ZNF398: variants seen among roughly 807,000 people sequenced by gnomAD.
ZNF398 encodes zinc finger protein 398, also known as zinc finger DNA binding protein ZER6.
ZNF398 carries 18 observed loss-of-function variants against 41.9 expected under a neutral mutation model. That is an observed-to-expected ratio of 0.43 (90% CI 0.30 to 0.64). The LOEUF (loss-of-function observed/expected upper bound fraction) is 0.64, where lower values mean the gene tolerates loss of function less well. ZNF398 is among the 30% of genes least tolerant of loss of function. The pLI is 0.14. For missense variants in ZNF398, 669 were observed against 822.8 expected, an observed-to-expected ratio of 0.81 and a Z score of 2.29; for synonymous variants, 260 against 308.8, an observed-to-expected ratio of 0.84 and a Z score of 1.66.
chr7:149,126,437 C>T (rs2129518858), exon 1 of ZNF398: 3 of 756,738 alleles, frequency 4.0e-6, no homozygotes, highest in Admixed American at 7.1e-5. Flanking sequence ...AGGAGGGGCC[C>T]GGGCACCCTC....
chr7:149,175,986 T>C (rs535559071), intron 4 of ZNF398, among the ~76,000 whole-genome samples: 1 of 152,236 alleles, frequency 6.6e-6, no homozygotes, highest in East Asian at 1.9e-4. Flanking sequence ...ACACCCATCC[T>C]GTATGCATTT....
At chr7:149,140,117 C>T (rs1826791115) in intron 2 of ZNF398, among the ~76,000 whole-genome samples, 1 of 152,062 alleles carries the variant, frequency 6.6e-6, no homozygotes, top group African/African-American at 2.4e-5. Flanking sequence ...ATATTTAATA[C>T]TGCAAAAGTA....
At chr7:149,173,013 C>G (rs1026768370) in intron 4 of ZNF398, among the ~76,000 whole-genome samples, 1 of 150,514 alleles carries the variant, frequency 6.6e-6, no homozygotes, top group African/African-American at 2.5e-5. Flanking sequence ...TTGCTAGTGG[C>G]GGGTCTTGCC....
Position 149,147,587 on chromosome 7 carries a change from G to T in ZNF398, c.-156G>T. 1.2e-6 allele frequency: 1 copy of T among 849,488 alleles called. No individual in the cohort carries two copies. The highest frequency in any genetic ancestry group is 5.9e-5 in the South Asian group (1 of 17,004). The allele number at this position is 849,488 out of a possible 1,614,324, so 52.6% of individuals were successfully genotyped here. A position where few individuals can be genotyped will look rare whatever the true frequency, so the allele number is the denominator to read the frequency against. On this transcript the variant is annotated 5_prime_UTR_variant, in exon 1 of 6. Coordinates refer to ENST00000475153, the MANE Select transcript of ZNF398 (RefSeq NM_170686.3). The surrounding 1 kb of genome is among the most constrained non-coding windows in gnomAD (Gnocchi z 5.6). ...CGCGTTCCTGCGCGTCCCGAGCCCC[G>T]ACGGCCGCGTGAGTCCCGTCCGTGC...
chr7:149,157,051 C>G (rs1002253155), intron 2 of ZNF398, among the ~76,000 whole-genome samples: 2 of 151,952 alleles, frequency 1.3e-5, no homozygotes, highest in Admixed American at 1.3e-4. Flanking sequence ...TGCTCTTAAC[C>G]ACGTTAGGTT....
At chr7:149,149,774 G>C (rs919205979) in intron 1 of ZNF398, among the ~76,000 whole-genome samples, 5 of 152,110 alleles carry the variant, frequency 3.3e-5, no homozygotes, top group Admixed American at 3.3e-4. Context: ...GGAGGTGGAG[G>C]CTGCAGTGAG....
intron 1 of ZNF398, among the ~76,000 whole-genome samples, chr7:149,127,709 T>A (rs1479206263): frequency 6.6e-6 from 1 of 151,878 alleles, no homozygotes; most frequent in African/African-American, 2.4e-5. Flanking sequence ...AGAGGGAGAC[T>A]CCATCTCAAA....
chr7:149,160,553 ATC>A (rs1380916190), intron 2 of ZNF398, among the ~76,000 whole-genome samples: 1 of 152,226 alleles, frequency 6.6e-6, no homozygotes, highest in Non-Finnish European at 1.5e-5. Context: ...CCAAAGTCAC[ATC>A]TCTTTTTGAG....
chr7:149,143,436 C>A (rs183304554), upstream of ZNF398, among the ~76,000 whole-genome samples: 2 of 152,174 alleles, frequency 1.3e-5, no homozygotes, highest in African/African-American at 2.4e-5. Flanking sequence ...GTCCTTGATT[C>A]TGTGCAAAGG....
chr7:149,167,197 T>C (rs529183157), intron 4 of ZNF398, among the ~76,000 whole-genome samples: 2 of 152,238 alleles, frequency 1.3e-5, no homozygotes, highest in Non-Finnish European at 2.9e-5. Context: ...AAAATAAACA[T>C]GTCCTTACAT....
Position 149,154,330 on chromosome 7 carries a change from A to C in ZNF398, c.410A>C (p.Asp137Ala). ...ILRLPPGIKG[D>A]IPKVPVAFDD... ...CGGCTCCCTCCAGGTATTAAGGGAGATATCCCAAAGGTAATACCTTCATTT... is the reference window on the plus strand; with the variant it reads ...CGGCTCCCTCCAGGTATTAAGGGAGCTATCCCAAAGGTAATACCTTCATTT... The change falls in exon 2 of 6, where the codon GAT (aspartate) becomes GCT (alanine). Residue 137 changes from aspartate (D) to alanine (A), a missense_variant. Asp to Ala is a moderately radical substitution (Grantham distance 126, BLOSUM62 -2). Around this residue, in one of 3 missense-constraint regions of ZNF398, gnomAD observed 169 missense variants for 239.5 expected, o/e 0.71. Coordinates refer to ENST00000475153, the MANE Select transcript of ZNF398 (RefSeq NM_170686.3). 1 of 1,611,654 alleles carries C rather than the reference A, an allele frequency of 6.2e-7. No homozygotes were observed. The highest frequency in any genetic ancestry group is 8.5e-7 in the Non-Finnish European group (1 of 1,178,740).
Position 149,179,035 on chromosome 7 carries a change from C to T in ZNF398, c.1163C>T (p.Thr388Ile), listed in dbSNP as rs1296601347. The T allele has an allele frequency of 6.2e-7, 1 of 1,613,932 alleles. No homozygotes were observed. Among genetic ancestry groups the T allele is most frequent in the South Asian group, 1.1e-5 (1 of 91,070 alleles). The change falls in exon 6 of 6, where the codon ACC becomes ATC. Residue 388 changes from threonine to isoleucine, a missense_variant. Thr to Ile is a moderately conservative substitution (Grantham distance 89, BLOSUM62 -1). Around this residue, in one of 3 missense-constraint regions of ZNF398, gnomAD observed 290 missense variants for 292.9 expected, o/e 0.99. Transcript: ENST00000475153. The surrounding 1 kb of genome is among the most constrained non-coding windows in gnomAD (Gnocchi z 6.1). ...HFTPQADLSS[T>I]SQDHASETPP... Reference sequence around the variant, plus strand: ...ACTCCACAGGCGGACCTCAGCAGCACCTCCCAGGACCATGCCAGCGAGACA... The same window carrying T: ...ACTCCACAGGCGGACCTCAGCAGCATCTCCCAGGACCATGCCAGCGAGACA...
chr7:149,139,981 G>C (rs905328829), intron 2 of ZNF398, among the ~76,000 whole-genome samples: 6 of 151,972 alleles, frequency 3.9e-5, no homozygotes, highest in African/African-American at 1.5e-4. Context: ...CTGGGCAACA[G>C]AGCGAAATCC....
intron 2 of ZNF398, among the ~76,000 whole-genome samples, chr7:149,165,163 G>A (rs1415203423): frequency 6.6e-6 from 1 of 151,916 alleles, no homozygotes; most frequent in African/African-American, 2.4e-5. Context: ...ACCTGGAATA[G>A]TAAATCAGTA....
intron 2 of ZNF398, among the ~76,000 whole-genome samples, chr7:149,137,362 C>G (rs1316807521): frequency 6.6e-6 from 1 of 152,138 alleles, no homozygotes; most frequent in Non-Finnish European, 1.5e-5. Context: ...CATTTAGTCT[C>G]ACTGTTGAGT....
rs913895513 is a variant in ZNF398 at position 149,179,317 on chromosome 7, C to G, written c.1445C>G (p.Pro482Arg). 1 of 1,613,274 alleles carries G rather than the reference C, an allele frequency of 6.2e-7. No homozygotes were observed. Among genetic ancestry groups the G allele is most frequent in the Non-Finnish European group, 8.5e-7 (1 of 1,179,990 alleles). The change falls in exon 6 of 6, where the codon CCT becomes CGT. Residue 482 changes from proline (P) to arginine (R), a missense_variant. Physicochemically the swap from Pro to Arg is moderately radical, Grantham distance 103 (BLOSUM62 -2). Around this residue, in one of 3 missense-constraint regions of ZNF398, gnomAD observed 210 missense variants for 290.4 expected, o/e 0.72. Coordinates refer to ENST00000475153, the MANE Select transcript of ZNF398 (RefSeq NM_170686.3). This position sits in a 1 kb window ranked among gnomAD's most constrained non-coding sequence, Gnocchi z 6.1. The part of the protein sequence containing the change: ...LHQRGHAQER[P>R]FSCPQCGIDF... ...CAGCGGGGTCATGCACAAGAGCGCCCTTTCTCCTGCCCTCAGTGTGGCATT... is the reference window on the plus strand; with the variant it reads ...CAGCGGGGTCATGCACAAGAGCGCCGTTTCTCCTGCCCTCAGTGTGGCATT...
chr7:149,178,039 C>T (rs1795498441), intron 5 of ZNF398, among the ~76,000 whole-genome samples: 1 of 152,152 alleles, frequency 6.6e-6, no homozygotes, highest in Admixed American at 6.5e-5. Context: ...TGCCTGTAAT[C>T]CCAGCACTTT....
At chr7:149,128,780 T>TAAAATAAAATTATATATATATATATATA (rs71192757) in intron 1 of ZNF398, 1 of 143,420 alleles carries the variant, frequency 7.0e-6, no homozygotes, top group African/African-American at 2.6e-5. Flanking sequence ...TAAAATAAAA[T>TAAAATAAAATTATATATATATATATATA]TATATATATA....
rs1482013787 is a variant in ZNF398 at position 149,179,169 on chromosome 7, C to A, written c.1297C>A (p.Pro433Thr). ...TERPFPCPDC[P>T]KRFADQARLT... ...GCGTCCTTTCCCCTGTCCTGATTGC[C>A]CCAAGCGCTTTGCTGACCAGGCTCG... Residue 433 changes from proline (P) to threonine (T), a missense_variant, in exon 6 of 6, where the codon CCC becomes ACC. Pro to Thr is a conservative substitution (Grantham distance 38). This residue lies in a region of ZNF398 where 210 missense variants were observed against 290.4 expected (regional missense o/e 0.72). Transcript: ENST00000475153. The surrounding 1 kb of genome is among the most constrained non-coding windows in gnomAD (Gnocchi z 6.1). The A allele has an allele frequency of 6.2e-7, 1 of 1,613,648 alleles. No homozygotes were observed. The highest frequency in any genetic ancestry group is 8.5e-7 in the Non-Finnish European group (1 of 1,180,018).
Sources: allele counts gnomAD v4.1 joint callset (sites outside exome capture counted in the v4.1 genomes callset), GRCh38; gene constraint gnomAD v4.1.1; regional missense constraint gnomAD v4.1.1; non-coding constraint Gnocchi (gnomAD v3.1); transcripts MANE v1.5; gene names NCBI Gene and HGNC (gene_info 2026-07-23, HGNC 2026-07-21).